NCKAP5: variants seen among roughly 807,000 people sequenced by gnomAD.
The protein encoded by NCKAP5 is nck-associated protein 5.
A neutral mutation model predicts 167.0 loss-of-function variants in NCKAP5; 92 were observed. The ratio of observed to expected loss-of-function variants is 0.55; its 90% CI spans 0.47 to 0.66. The LOEUF (loss-of-function observed/expected upper bound fraction) is 0.66. NCKAP5 is among the 30% of genes least tolerant of loss of function. The pLI is 0.00. For missense variants in NCKAP5, 2,378 were observed against 2,315.0 expected, an observed-to-expected ratio of 1.03 and a Z score of -0.56; for synonymous variants, 891 against 877.4, an observed-to-expected ratio of 1.02 and a Z score of -0.27.
At chr2:132,705,947 A>G (rs6751208) in intron 19 of NCKAP5, among the ~76,000 whole-genome samples, 3,480 of 152,242 alleles carry the variant, frequency 0.023, 152 homozygotes, top group African/African-American at 0.08. Flanking sequence ...TTCCTCTCAT[A>G]TATGTGTATG....
chr2:133,499,168 TAA>T (rs2151380839), intron 3 of NCKAP5, among the ~76,000 whole-genome samples: 1 of 152,342 alleles, frequency 6.6e-6, no homozygotes, highest in East Asian at 1.9e-4. Flanking sequence ...CAGATGTGGT[TAA>T]AGTCACACAA....
chr2:133,082,860 T>C (rs1044513852), intron 6 of NCKAP5, among the ~76,000 whole-genome samples: 7 of 152,170 alleles, frequency 4.6e-5, no homozygotes, highest in African/African-American at 1.7e-4. Flanking sequence ...GGAGCCATTA[T>C]GGATTACAGT....
chr2:133,454,389 G>A (rs1691723068), intron 3 of NCKAP5, among the ~76,000 whole-genome samples: 1 of 152,038 alleles, frequency 6.6e-6, no homozygotes, highest in Non-Finnish European at 1.5e-5. Flanking sequence ...AGAAAATGGA[G>A]AAACACATTA....
intron 4 of NCKAP5, among the ~76,000 whole-genome samples, chr2:133,247,441 C>G (rs2088056485): frequency 6.6e-6 from 1 of 152,112 alleles, no homozygotes; most frequent in Non-Finnish European, 1.5e-5. Flanking sequence ...TTTCCAAACC[C>G]CTTCAAATTT....
chr2:133,524,160 T>G (rs994730730), intron 2 of NCKAP5, among the ~76,000 whole-genome samples: 1 of 152,280 alleles, frequency 6.6e-6, no homozygotes, highest in Non-Finnish European at 1.5e-5. Flanking sequence ...TTCTTCAATA[T>G]TTCCAAGGTG....
chr2:133,044,417 A>G (rs1185844299), intron 6 of NCKAP5, among the ~76,000 whole-genome samples: 2 of 152,156 alleles, frequency 1.3e-5, no homozygotes, highest in Non-Finnish European at 2.9e-5. Context: ...TAAGAAAAAC[A>G]CATGAACGGG....
chr2:132,935,204 G>C (rs1696748351), intron 8 of NCKAP5, among the ~76,000 whole-genome samples: 1 of 152,168 alleles, frequency 6.6e-6, no homozygotes, highest in Non-Finnish European at 1.5e-5. Context: ...TTGTAGATTG[G>C]ATTGATGACA....
intron 5 of NCKAP5, among the ~76,000 whole-genome samples, chr2:133,204,264 C>T (rs1479646191): frequency 6.6e-6 from 1 of 151,972 alleles, no homozygotes; most frequent in Non-Finnish European, 1.5e-5. Context: ...ATTTTAAATA[C>T]TCACAAAATG....
intron 4 of NCKAP5, among the ~76,000 whole-genome samples, chr2:133,231,495 A>T (rs2087146717): frequency 6.6e-6 from 1 of 152,184 alleles, no homozygotes; most frequent in Non-Finnish European, 1.5e-5. Context: ...GTTGGAAGGG[A>T]TGAATCAGGA....
At chr2:133,286,666 T>C (rs980295640) in intron 4 of NCKAP5, among the ~76,000 whole-genome samples, 1 of 152,206 alleles carries the variant, frequency 6.6e-6, no homozygotes, top group East Asian at 1.9e-4. Context: ...ATATTATGTT[T>C]ATATTGGAGC....
chr2:132,692,630 A>C (rs1030325930), intron 19 of NCKAP5, among the ~76,000 whole-genome samples: 2 of 152,194 alleles, frequency 1.3e-5, no homozygotes, highest in African/African-American at 4.8e-5. Context: ...ATAAATGATG[A>C]ACCTATGTCA....
At chr2:132,981,131 A>T (rs2077126792) in intron 7 of NCKAP5, among the ~76,000 whole-genome samples, 1 of 152,250 alleles carries the variant, frequency 6.6e-6, no homozygotes, top group Admixed American at 6.5e-5. Flanking sequence ...TTTTGTAATA[A>T]GAAGGTTGTT....
At chr2:133,330,244 A>ATTTTTTT (rs765058418) in intron 3 of NCKAP5, among the ~76,000 whole-genome samples, 11 of 88,166 alleles carry the variant, frequency 1.2e-4, no homozygotes, top group Admixed American at 1.7e-4. Context: ...TATTTTTTGT[A>ATTTTTTT]TTTTTTTTTT....
At chr2:132,946,931 T>C (rs1311648202) in intron 8 of NCKAP5, among the ~76,000 whole-genome samples, 1 of 152,152 alleles carries the variant, frequency 6.6e-6, no homozygotes, top group Non-Finnish European at 1.5e-5. Flanking sequence ...AGCCAAATTA[T>C]TACAGGATGT....
At chr2:133,450,008 ACAAGGCCTTGTTG>A (rs1691447103) in intron 3 of NCKAP5, among the ~76,000 whole-genome samples, 2 of 150,940 alleles carry the variant, frequency 1.3e-5, no homozygotes, top group African/African-American at 2.4e-5. Flanking sequence ...GATCAGTTGC[ACAAGGCCTTGTTG>A]CAAGGCAGCA....
intron 16 of NCKAP5, among the ~76,000 whole-genome samples, chr2:132,757,072 A>T (rs373367618): frequency 6.6e-6 from 1 of 152,198 alleles, no homozygotes; most frequent in Non-Finnish European, 1.5e-5. Context: ...TGGCTGTAAC[A>T]ATGTTTCATA....
intron 6 of NCKAP5, among the ~76,000 whole-genome samples, chr2:133,068,170 G>A (rs372643799): frequency 2.2e-4 from 33 of 152,236 alleles, no homozygotes; most frequent in African/African-American, 7.9e-4. Context: ...AAATAACTTA[G>A]ATAGAAGCTT....
intron 19 of NCKAP5, among the ~76,000 whole-genome samples, chr2:132,690,420 C>G (rs1686573348): frequency 6.6e-6 from 1 of 152,180 alleles, no homozygotes; most frequent in South Asian, 2.1e-4. Flanking sequence ...ATTCACCTTT[C>G]TTAAGTACGT....
At chr2:133,244,548 A>G (rs957507055) in intron 4 of NCKAP5, among the ~76,000 whole-genome samples, 3 of 152,114 alleles carry the variant, frequency 2.0e-5, no homozygotes, top group East Asian at 3.8e-4. Flanking sequence ...ACTTAACCAC[A>G]CCTTAAGAAA....
Sources: gnomAD v4.1 joint callset for allele counts (sites outside exome capture counted in the v4.1 genomes callset) on GRCh38, gnomAD v4.1.1 for gene constraint, MANE v1.5 for transcripts, NCBI Gene and HGNC (gene_info 2026-07-23, HGNC 2026-07-21) for gene names.